PTK7: variants seen among roughly 807,000 people sequenced by gnomAD.
The protein encoded by PTK7 is protein tyrosine kinase 7 (inactive).
In PTK7, 39 loss-of-function variants were observed where a neutral mutation model predicts 116.6. The observed-to-expected ratio is 0.33, with a 90% CI of 0.26 to 0.44. The LOEUF (loss-of-function observed/expected upper bound fraction) is 0.44. PTK7 is among the 20% of genes least tolerant of loss of function. The pLI is 1.00. For synonymous variants in PTK7, 546 were observed against 563.6 expected, an observed-to-expected ratio of 0.97 and a Z score of 0.44; for missense variants, 1,169 against 1,425.6, an observed-to-expected ratio of 0.82 and a Z score of 2.90.
Position 43,142,099 on chromosome 6 carries a change from C to T in PTK7, c.1919+18C>T. 2.5e-6 allele frequency: 4 copies of T among 1,612,440 alleles called. No homozygotes were observed. The highest frequency in any genetic ancestry group is 3.4e-6 in the Non-Finnish European group (4 of 1,179,108). ...GGACCCAGGTAGGGCCACCTCTCTC[C>T]CACACCCGTCCCTCCTCTCCTGCAG... is the stretch of plus-strand genomic sequence containing the variant. On this transcript the variant is annotated intron_variant, in intron 12 of 19. Transcript: ENST00000230419.
intron 1 of PTK7, among the ~76,000 whole-genome samples, chr6:43,094,700 G>C (rs190965425): frequency 4.0e-5 from 6 of 151,688 alleles, no homozygotes; most frequent in African/African-American, 9.7e-5. Flanking sequence ...GGATGGTCTC[G>C]ATCTCCTGAC....
chr6:43,152,662 G>A (rs1771188305), intron 17 of PTK7, among the ~76,000 whole-genome samples: 1 of 152,136 alleles, frequency 6.6e-6, no homozygotes, highest in Non-Finnish European at 1.5e-5. Flanking sequence ...CAATATAGTT[G>A]TCACTAGCTT....
chr6:43,105,828 G>A (rs1052565274), intron 1 of PTK7, among the ~76,000 whole-genome samples: 9 of 152,146 alleles, frequency 5.9e-5, no homozygotes, highest in African/African-American at 2.2e-4. Flanking sequence ...CCTCCAGAAG[G>A]ATCCAACCTC....
chr6:43,136,122 C>T (rs897825152), intron 7 of PTK7, among the ~76,000 whole-genome samples: 1 of 152,032 alleles, frequency 6.6e-6, no homozygotes, highest in Non-Finnish European at 1.5e-5. Context: ...CGCCACTGCA[C>T]TCCAGCCTGG....
rs995763524 is a variant in PTK7, at chr6:43,145,913, G to A, written c.2640+481G>A. 1.0e-4 allele frequency: 16 copies of A among 153,208 alleles called. No individual in the cohort carries two copies. The highest frequency in any genetic ancestry group is 5.8e-4 in the East Asian group (3 of 5,194). 9.5% of individuals were successfully genotyped at this position (153,208 alleles called of 1,614,324 possible). On this transcript the variant is annotated intron_variant, in intron 16 of 19. Transcript: ENST00000230419. This position sits in a 1 kb window ranked among gnomAD's most constrained non-coding sequence, Gnocchi z 4.8. ...CTCAGGGTGTCATTCCCAGAGCTGC[G>A]CCTTCCTCTTCATTCCCCAGCTGGT...
At chr6:43,092,922 GT>G (rs1425957693) in intron 1 of PTK7, among the ~76,000 whole-genome samples, 3 of 152,146 alleles carry the variant, frequency 2.0e-5, no homozygotes, top group Non-Finnish European at 4.4e-5. Flanking sequence ...TACAGGCCTA[GT>G]TTTGCTTCCC....
Position 43,145,104 on chromosome 6 carries a change from G to A in PTK7, c.2408-96G>A. ...GGTCTCGTGCCCAGCCCAGGTGGGT[G>A]GGTCCCCACTGTGGGAGAGGCTAGG... On this transcript the variant is annotated intron_variant, in intron 15 of 19. Transcript: ENST00000230419. The surrounding 1 kb of genome is among the most constrained non-coding windows in gnomAD (Gnocchi z 4.8). The A allele has an allele frequency of 8.8e-7, 1 of 1,132,150 alleles. No homozygotes were observed. Among genetic ancestry groups the A allele is most frequent in the Non-Finnish European group, 1.3e-6 (1 of 798,070 alleles). The allele number at this position is 1,132,150 out of a possible 1,614,324, so 70.1% of individuals were successfully genotyped here.
chr6:43,133,312 T>C (rs929872930), intron 7 of PTK7: 2 of 152,852 alleles, frequency 1.3e-5, no homozygotes, highest in Non-Finnish European at 2.9e-5. Context: ...CGGTGGCTCA[T>C]GCCTGTAATC....
chr6:43,083,761 A>G (rs550149737), intron 1 of PTK7, among the ~76,000 whole-genome samples: 2 of 152,204 alleles, frequency 1.3e-5, no homozygotes, highest in Non-Finnish European at 2.9e-5. Context: ...AACGTCATCC[A>G]CCAGGTGTCC....
intron 1 of PTK7, among the ~76,000 whole-genome samples, chr6:43,112,616 G>C (rs1245111584): frequency 6.6e-6 from 1 of 152,082 alleles, no homozygotes; most frequent in Non-Finnish European, 1.5e-5. Context: ...GTTTCACCAT[G>C]TTGGCCAGGC....
rs183118155 is a variant in PTK7 at position 43,160,120 on chromosome 6, T to G, written c.3052+154T>G. 1.7e-4 allele frequency: 139 copies of G among 797,934 alleles called. 1 individual carries two copies. In the Admixed American group the frequency reaches 4.1e-3, roughly 24 times the overall value. The allele number at this position is 797,934 out of a possible 1,614,324, so 49.4% of individuals were successfully genotyped here. A position where few individuals can be genotyped will look rare whatever the true frequency, so the allele number is the denominator to read the frequency against. Reference sequence around the variant, plus strand: ...TCTGGTTGTTAAAATACTGCAATACTTTGTTTTTCTTTTGAGACGGAGTGT... The same window carrying G: ...TCTGGTTGTTAAAATACTGCAATACGTTGTTTTTCTTTTGAGACGGAGTGT... On this transcript the variant is annotated intron_variant, in intron 19 of 19. Coordinates refer to ENST00000230419, the MANE Select transcript of PTK7 (RefSeq NM_002821.5).
At chr6:43,151,469 C>T (rs1008995967) in intron 17 of PTK7, among the ~76,000 whole-genome samples, 2 of 151,746 alleles carry the variant, frequency 1.3e-5, no homozygotes, top group African/African-American at 2.4e-5. Context: ...GCCTCAGCCT[C>T]CCAAAGTGCT....
chr6:43,121,155 G>T (rs368526008), intron 1 of PTK7, among the ~76,000 whole-genome samples: 2 of 151,026 alleles, frequency 1.3e-5, no homozygotes, highest in South Asian at 2.1e-4. Flanking sequence ...GATTACAGGC[G>T]CTGTGCCTGA....
In PTK7 at chr6:43,128,522, C is replaced by T. The variant is rs766181726; in HGVS notation, c.80-455C>T. 7.2e-5 allele frequency among the ~76,000 whole-genome samples: 11 copies of T among 152,304 alleles called. No homozygotes were observed. The East Asian group carries it at 7.7e-4, about 11-fold the overall frequency. On this transcript the variant is annotated intron_variant, in intron 1 of 19. Coordinates refer to ENST00000230419, the MANE Select transcript of PTK7 (RefSeq NM_002821.5). ...TCAGGGGGCTGGGCGTGGTGGCTCA[C>T]GCCTGTAATCCTAGCACTTTGGGAG...
intron 1 of PTK7, among the ~76,000 whole-genome samples, chr6:43,096,964 G>C (rs79137322): frequency 6.6e-6 from 1 of 152,284 alleles, no homozygotes; most frequent in East Asian, 1.9e-4. Flanking sequence ...TTGGGGCCGT[G>C]GAGAGCAAGG....
intron 1 of PTK7, among the ~76,000 whole-genome samples, chr6:43,083,145 G>A (rs1269095970): frequency 6.6e-6 from 1 of 152,252 alleles, no homozygotes; most frequent in African/African-American, 2.4e-5. Flanking sequence ...CCTGATGGAA[G>A]AAAGGGTCAT....
Position 43,143,222 on chromosome 6 carries a change from C to T in PTK7, c.2048-195C>T, listed in dbSNP as rs1770522001. ...AAGCCAGCTTGGGAACCCCTGGCCT[C>T]ATCTCCTTCAGAGTCTTCGTTTGAC... On this transcript the variant is annotated intron_variant, in intron 13 of 19. Transcript: ENST00000230419. The surrounding 1 kb of genome is among the most constrained non-coding windows in gnomAD (Gnocchi z 4.2). 1.7e-6 allele frequency: 1 copy of T among 575,736 alleles called. No individual in the cohort carries two copies. 35.7% of individuals were successfully genotyped at this position (575,736 alleles called of 1,614,324 possible).
rs1459390039 is a variant in PTK7 at position 43,129,858 on chromosome 6, AGGGT to A, written c.470+30_470+33del. Reference sequence around the variant, plus strand: ...AGGAGTCAGGGAGGTGGGGATGAAGAGGGTTATTCCGGACAGGGATGTCTCCCCA... The same window carrying A: ...AGGAGTCAGGGAGGTGGGGATGAAGATATTCCGGACAGGGATGTCTCCCCA... On this transcript the variant is annotated intron_variant, in intron 3 of 19. Coordinates refer to ENST00000230419, the MANE Select transcript of PTK7 (RefSeq NM_002821.5). This position sits in a 1 kb window ranked among gnomAD's most constrained non-coding sequence, Gnocchi z 4.5. 1 of 1,601,294 alleles carries A rather than the reference AGGGT, an allele frequency of 6.2e-7. No homozygotes were observed. The highest frequency in any genetic ancestry group is 1.3e-5 in the African/African-American group (1 of 74,750).
At chr6:43,148,709 TA>T (rs1770868129) in intron 17 of PTK7, among the ~76,000 whole-genome samples, 1 of 151,946 alleles carries the variant, frequency 6.6e-6, no homozygotes, top group Non-Finnish European at 1.5e-5. Context: ...GGAACTTTAA[TA>T]AGTTGGGTTC....
Sources: allele counts gnomAD v4.1 joint callset (sites outside exome capture counted in the v4.1 genomes callset), GRCh38; gene constraint gnomAD v4.1.1; non-coding constraint Gnocchi (gnomAD v3.1); transcripts MANE v1.5; gene names NCBI Gene and HGNC (gene_info 2026-07-23, HGNC 2026-07-21).